Variants in RYR3 observed in about 807,000 individuals in gnomAD.
The protein encoded by RYR3 is ryanodine receptor 3, also known as brain ryanodine receptor-calcium release channel.
Under a neutral mutation model 584.3 loss-of-function variants are expected in RYR3, and 207 were observed. The ratio of observed to expected loss-of-function variants is 0.35; its 90% CI spans 0.32 to 0.40. RYR3 has a LOEUF of 0.40. Among genes scored for constraint, RYR3 ranks in the 10% least tolerant of loss-of-function variants. The pLI is 1.00. For synonymous variants in RYR3, 2,416 were observed against 2,248.5 expected (o/e 1.07, Z -2.11); for missense variants, 5,616 against 6,089.2 (o/e 0.92, Z 2.59).
At chr15:33,652,923 G>T (rs1287317931) in intron 32 of RYR3, 40 bp downstream of exon 32, 1 of 1,565,294 alleles carries the variant, frequency 6.4e-7, no homozygotes, top group African/African-American at 1.4e-5. Context: ...GCTATCCCAG[G>T]CCTGGTGTTT....
At chr15:33,539,761 T>G (rs2055653330) in intron 6 of RYR3, among the ~76,000 whole-genome samples, 2 of 147,138 alleles carry the variant, frequency 1.4e-5, no homozygotes, top group African/African-American at 5.4e-5. Flanking sequence ...GATATATGTA[T>G]TATATATTGC....
intron 1 of RYR3, among the ~76,000 whole-genome samples, chr15:33,314,316 T>G (rs1483874996): frequency 6.6e-6 from 1 of 152,174 alleles, no homozygotes; most frequent in Non-Finnish European, 1.5e-5. Context: ...ACGTAGCCAG[T>G]GTCATTGACG....
At chr15:33,835,593 T>C (rs752361538) in intron 87 of RYR3, among the ~76,000 whole-genome samples, 2 of 152,210 alleles carry the variant, frequency 1.3e-5, no homozygotes, top group Non-Finnish European at 2.9e-5. Flanking sequence ...TGTAGCAGTT[T>C]ATTGCCTCTC....
intron 100 of RYR3, among the ~76,000 whole-genome samples, 196 bp from the exon 101 acceptor site, chr15:33,860,399 G>C (rs1333189426): frequency 1.3e-5 from 2 of 152,204 alleles, no homozygotes; most frequent in African/African-American, 4.8e-5. Flanking sequence ...GCATGGTGTA[G>C]AAAGGTAGAG....
At position 33,663,028 on chromosome 15, in the gene RYR3, A is replaced by C; in HGVS notation, c.5418+80A>C. 3 of 1,315,618 alleles carry C rather than the reference A, an allele frequency of 2.3e-6. No homozygotes were observed. In the East Asian group the frequency reaches 6.9e-5, roughly 30 times the overall value. The allele number at this position is 1,315,618 out of a possible 1,614,324, so 81.5% of individuals were successfully genotyped here. A position where few individuals can be genotyped will look rare whatever the true frequency, so the allele number is the denominator to read the frequency against. ...AAATATCAGGAACACACTGAGGATT[A>C]AAGGAGGTAAGGTATGTCAAGTGCT... On this transcript the variant is annotated intron_variant, in intron 35 of 103. Coordinates refer to ENST00000634891, the MANE Select transcript of RYR3 (RefSeq NM_001036.6).
At chr15:33,789,658 A>ATTTTTTT (rs869151934) in intron 67 of RYR3, among the ~76,000 whole-genome samples, 1 of 12,782 alleles carries the variant, frequency 7.8e-5, no homozygotes, top group Non-Finnish European at 1.3e-4. Context: ...ATATATATAT[A>ATTTTTTT]TTTTTTTTTT....
rs1596211534 is a variant in RYR3, at chr15:33,697,782, T to C, written c.6135-100T>C. 6 of 707,336 alleles carry C rather than the reference T, an allele frequency of 8.5e-6. No homozygotes were observed. In the East Asian group the frequency reaches 1.5e-4, roughly 18 times the overall value. The allele number at this position is 707,336 out of a possible 1,614,324, so 43.8% of individuals were successfully genotyped here. A position where few individuals can be genotyped will look rare whatever the true frequency, so the allele number is the denominator to read the frequency against. ...TTATCTTTTCAGCCTGTTACTTTCA[T>C]ATTATTTTGCCCTCTCGTGTGTTTG... On this transcript the variant is annotated intron_variant, in intron 39 of 103. Transcript: ENST00000634891.
chr15:33,634,502 C>A, intron 24 of RYR3, 84 bp from the exon 25 acceptor site: 1 of 1,420,902 alleles, frequency 7.0e-7, no homozygotes. Flanking sequence ...AAAGCCAGGA[C>A]TGTTGCTGGG....
intron 32 of RYR3, among the ~76,000 whole-genome samples, chr15:33,656,084 C>T (rs953839653): frequency 6.6e-6 from 1 of 152,216 alleles, no homozygotes; most frequent in African/African-American, 2.4e-5. Flanking sequence ...GATTGCCACT[C>T]CAGGCACACC....
chr15:33,853,193 G>C, intron 95 of RYR3, 106 bp downstream of exon 95: 4 of 1,054,548 alleles, frequency 3.8e-6, no homozygotes, highest in Non-Finnish European at 5.4e-6. Flanking sequence ...CTACTTTTAT[G>C]ATAATATCTC....
intron 1 of RYR3, among the ~76,000 whole-genome samples, chr15:33,344,970 A>T: frequency 6.6e-6 from 1 of 152,218 alleles, no homozygotes; most frequent in East Asian, 1.9e-4. Flanking sequence ...CACATTTTGC[A>T]GGTAGGAAGG....
intron 1 of RYR3, among the ~76,000 whole-genome samples, chr15:33,380,460 C>T (rs2041099816): frequency 6.6e-6 from 1 of 152,216 alleles, no homozygotes; most frequent in Non-Finnish European, 1.5e-5. Context: ...TGAGTGACTT[C>T]TGAAGTTCTT....
At chr15:33,518,654 C>T (rs1220652434) in intron 3 of RYR3, among the ~76,000 whole-genome samples, 3 of 152,292 alleles carry the variant, frequency 2.0e-5, no homozygotes, top group African/African-American at 4.8e-5. Flanking sequence ...AGATGGTGCT[C>T]GCTCTGTCCG....
chr15:33,551,309 G>A (rs1453036228), intron 10 of RYR3, among the ~76,000 whole-genome samples: 1 of 152,160 alleles, frequency 6.6e-6, no homozygotes, highest in Non-Finnish European at 1.5e-5. Context: ...CTCTTTTCCA[G>A]AAATAAATCT....
At chr15:33,445,407 C>T (rs1292588512) in intron 1 of RYR3, among the ~76,000 whole-genome samples, 1 of 152,048 alleles carries the variant, frequency 6.6e-6, no homozygotes, top group Non-Finnish European at 1.5e-5. Context: ...GACAAAATGG[C>T]GAGATCTGTT....
At chr15:33,618,050 G>A (rs1038453870) in intron 19 of RYR3, among the ~76,000 whole-genome samples, 2 of 152,096 alleles carry the variant, frequency 1.3e-5, no homozygotes, top group Non-Finnish European at 2.9e-5. Flanking sequence ...TTACTTAGAT[G>A]CCAGGAAGCT....
intron 64 of RYR3, among the ~76,000 whole-genome samples, chr15:33,776,070 AT>A (rs1281278672): frequency 6.6e-6 from 1 of 152,174 alleles, no homozygotes; most frequent in Non-Finnish European, 1.5e-5. Context: ...TGAACCCACC[AT>A]TTCTCTACCA....
intron 64 of RYR3, among the ~76,000 whole-genome samples, chr15:33,773,832 C>T (rs1338891539): frequency 2.6e-5 from 4 of 152,124 alleles, no homozygotes; most frequent in Admixed American, 6.5e-5. Flanking sequence ...AGATAGCTGG[C>T]GAATGTATGT....
intron 67 of RYR3, among the ~76,000 whole-genome samples, chr15:33,798,940 A>G (rs1180623787): frequency 6.6e-6 from 1 of 152,148 alleles, no homozygotes; most frequent in Admixed American, 6.5e-5. Context: ...GGTACAGGCT[A>G]CCCACAACAA....
Sources: gnomAD v4.1 joint callset for allele counts (sites outside exome capture counted in the v4.1 genomes callset) on GRCh38, gnomAD v4.1.1 for gene constraint, MANE v1.5 for transcripts, NCBI Gene and HGNC (gene_info 2026-07-23, HGNC 2026-07-21) for gene names.